KIAA0319L: variants seen among roughly 807,000 people sequenced by gnomAD.
KIAA0319L encodes the protein KIAA0319 like.
Under a neutral mutation model 120.1 loss-of-function variants are expected in KIAA0319L, and 55 were observed. The observed-to-expected ratio is 0.46, with a 90% CI of 0.37 to 0.57. The LOEUF is 0.57. Ranked by LOEUF, KIAA0319L falls within the 20% of genes least tolerant of loss-of-function variation. The probability of loss-of-function intolerance (pLI) is 0.00; values close to 1 mark genes in which losing one functional copy is unlikely to be tolerated. For synonymous variants in KIAA0319L, 398 were observed against 471.9 expected (o/e 0.84, Z 2.03); for missense variants, 1,049 against 1,255.3 (o/e 0.84, Z 2.48).
At chr1:35,503,332 C>T (rs1024345602) in intron 3 of KIAA0319L, among the ~76,000 whole-genome samples, 1 of 152,194 alleles carries the variant, frequency 6.6e-6, no homozygotes, top group African/African-American at 2.4e-5. Context: ...GTACTCTGTG[C>T]TCAGTATTCT....
chr1:35,469,937 T>C (rs566937751), intron 6 of KIAA0319L, among the ~76,000 whole-genome samples: 2 of 152,142 alleles, frequency 1.3e-5, no homozygotes, highest in Admixed American at 1.3e-4. Flanking sequence ...AGTATGATCA[T>C]AGCTCACTGC....
At chr1:35,443,963 G>C (rs1222318330) in intron 17 of KIAA0319L, 198 bp downstream of exon 17, 1 of 438,704 alleles carries the variant, frequency 2.3e-6, no homozygotes, top group East Asian at 3.6e-5. Flanking sequence ...TTCTGAACAC[G>C]ATCTCAGGGG....
rs751484493 is a variant in KIAA0319L, at chr1:35,434,896, A to T, written c.3148T>A (p.Ter1050LysextTer61). The change falls in exon 21 of 21, where the codon TAG becomes AAG. Residue 1050 changes from the stop codon to lysine, a stop_lost. Coordinates refer to ENST00000325722, the MANE Select transcript of KIAA0319L (RefSeq NM_024874.5). ...KARSPREEIL[*>K] is the part of the protein sequence containing the mutation. ...CCCTGAGGAGACAGACCAGGTGGCT[A>T]CAGGATCTCCTCCCGCGGGCTCCTG... 1 of 1,611,958 alleles carries T rather than the reference A, an allele frequency of 6.2e-7. No individual in the cohort carries two copies. Among genetic ancestry groups the T allele is most frequent in the South Asian group, 1.1e-5 (1 of 90,966 alleles).
At chr1:35,443,977 A>C in intron 17 of KIAA0319L, 184 bp downstream of exon 17, 1 of 476,256 alleles carries the variant, frequency 2.1e-6, no homozygotes, top group Non-Finnish European at 3.5e-6. Context: ...TCAGGGGCCC[A>C]TGGGCCCCAA....
At chr1:35,525,192 AG>A (rs1211882157) in intron 2 of KIAA0319L, among the ~76,000 whole-genome samples, 4 of 152,168 alleles carry the variant, frequency 2.6e-5, no homozygotes, top group African/African-American at 9.7e-5. Flanking sequence ...TTCTTTTTTA[AG>A]GCCAAATAGT....
Position 35,557,265 on chromosome 1 carries a change from T to C in KIAA0319L, c.-87A>G, listed in dbSNP as rs1648246453. 9.6e-6 allele frequency: 2 copies of C among 208,902 alleles called. No individual in the cohort carries two copies. Among genetic ancestry groups the C allele is most frequent in the Admixed American group, 5.4e-5 (1 of 18,620 alleles). 12.9% of individuals were successfully genotyped at this position (208,902 alleles called of 1,614,324 possible). ...CTCGGCGGCCTCCGCCTCCTCCTGG[T>C]CCATGGGCTCGGGGACCCCCAACCT... is the stretch of plus-strand genomic sequence containing the variant. On this transcript the variant is annotated 5_prime_UTR_variant, in exon 1 of 21. Transcript: ENST00000325722.
At chr1:35,457,035 G>A (rs562623318) in intron 9 of KIAA0319L, among the ~76,000 whole-genome samples, 74 of 152,148 alleles carry the variant, frequency 4.9e-4, no homozygotes, top group African/African-American at 1.8e-3. Context: ...TGTCTCCAGC[G>A]CCATTTTGTC....
In KIAA0319L at chr1:35,434,947, G is replaced by A. The variant is rs368457639; in HGVS notation, c.3097C>T (p.Pro1033Ser). ...GCCTTCAGAGGGGTCTGCCCGTTGGGTACAGAGCCATTCTGACCATGCAGG... is the reference window on the plus strand; with the variant it reads ...GCCTTCAGAGGGGTCTGCCCGTTGGATACAGAGCCATTCTGACCATGCAGG... ...KLLHGQNGSV[P>S]NGQTPLKARS... The change falls in exon 21 of 21, where the codon CCC (proline) becomes TCC (serine). Residue 1033 changes from proline to serine, a missense_variant. Pro to Ser is a moderately conservative substitution (Grantham distance 74, BLOSUM62 -1). Transcript: ENST00000325722. 4 of 1,613,982 alleles carry A rather than the reference G, an allele frequency of 2.5e-6. No individual in the cohort carries two copies. Among genetic ancestry groups the A allele is most frequent in the East Asian group, 2.2e-5 (1 of 44,868 alleles).
At position 35,434,083 on chromosome 1, in the gene KIAA0319L, CTTT is replaced by C. The variant is rs34942826; in HGVS notation, c.*808_*810del. 5 of 116,018 alleles carry C rather than the reference CTTT, an allele frequency of 4.3e-5. No homozygotes were observed. Among genetic ancestry groups the C allele is most frequent in the Admixed American group, 9.2e-5 (1 of 10,902 alleles). 7.2% of individuals were successfully genotyped at this position (116,018 alleles called of 1,614,324 possible). On this transcript the variant is annotated 3_prime_UTR_variant, in exon 21 of 21. Coordinates refer to ENST00000325722, the MANE Select transcript of KIAA0319L (RefSeq NM_024874.5). ...GTTAAGGGGGGGCCAGATATCATTT[CTTT>C]TTTTTTTTTTTTTTTTTTGACGGAG... is the stretch of plus-strand genomic sequence containing the variant.
intron 2 of KIAA0319L, among the ~76,000 whole-genome samples, chr1:35,545,296 C>T (rs1646942047): frequency 6.6e-6 from 1 of 152,168 alleles, no homozygotes; most frequent in African/African-American, 2.4e-5. Flanking sequence ...TAATGCCATA[C>T]ACCAGCAGAG....
At chr1:35,442,169 A>ACCC in intron 19 of KIAA0319L, 77 bp downstream of exon 19, 2 of 1,085,646 alleles carry the variant, frequency 1.8e-6, no homozygotes, top group Non-Finnish European at 2.9e-6. Context: ...TTCCACGTGG[A>ACCC]AGGTGCCAAA....
At chr1:35,543,985 T>A (rs1288029307) in intron 2 of KIAA0319L, among the ~76,000 whole-genome samples, 1 of 152,186 alleles carries the variant, frequency 6.6e-6, no homozygotes, top group Admixed American at 6.5e-5. Context: ...TTTCCTATAC[T>A]GAATTCAACT....
chr1:35,522,891 C>T (rs997733224), intron 2 of KIAA0319L, among the ~76,000 whole-genome samples: 3 of 151,338 alleles, frequency 2.0e-5, no homozygotes, highest in African/African-American at 7.3e-5. Context: ...TGGTGGCAGG[C>T]GCCTGTAGTC....
chr1:35,443,647 T>A (rs1641392666), intron 17 of KIAA0319L, among the ~76,000 whole-genome samples: 1 of 152,008 alleles, frequency 6.6e-6, no homozygotes, highest in Non-Finnish European at 1.5e-5. Context: ...CACTGCAGCC[T>A]GGGCAACAGA....
At chr1:35,530,347 C>T (rs1470279695) in intron 2 of KIAA0319L, among the ~76,000 whole-genome samples, 1 of 152,070 alleles carries the variant, frequency 6.6e-6, no homozygotes, top group Non-Finnish European at 1.5e-5. Flanking sequence ...ATTCTTTCTT[C>T]TGCTTTATCA....
In KIAA0319L at chr1:35,520,075, GC is replaced by G. The variant is rs371371887; in HGVS notation, c.143-12941del. Among the ~76,000 whole-genome samples, 1,028 of 151,910 alleles carry G rather than the reference GC, an allele frequency of 6.8e-3. 9 individuals are homozygous for G. Among genetic ancestry groups the G allele is most frequent in the African/African-American group, 0.023 (973 of 41,432 alleles). On this transcript the variant is annotated intron_variant, in intron 2 of 20. Transcript: ENST00000325722. ...ATTATTTATTTCATTTCCCACAGTA[GC>G]CACCCTCAAATCTTCTTTTTTCTTT...
Position 35,478,973 on chromosome 1 carries a change from T to G in KIAA0319L, c.906A>C (p.Pro302=). ...PQASFQSTSA[P]YPVIKELVVS... is the part of the protein sequence containing the mutation. ...AAGAGCAAAGGTCCTTACCTGGGTA[T>G]GGTGCTGAGGTGCTCTGGAAAGAGG... The change falls in exon 4 of 21, where the codon CCA becomes CCC. Residue 302 remains proline (P), a synonymous_variant. Coordinates refer to ENST00000325722, the MANE Select transcript of KIAA0319L (RefSeq NM_024874.5). The G allele has an allele frequency of 6.2e-7, 1 of 1,613,994 alleles. No individual in the cohort carries two copies. The highest frequency in any genetic ancestry group is 8.5e-7 in the Non-Finnish European group (1 of 1,179,936).
At chr1:35,521,082 TG>T (rs1433666594) in intron 2 of KIAA0319L, among the ~76,000 whole-genome samples, 1 of 152,228 alleles carries the variant, frequency 6.6e-6, no homozygotes, top group Admixed American at 6.5e-5. Context: ...GGTTCACTCC[TG>T]TAATCCCAGC....
intron 3 of KIAA0319L, among the ~76,000 whole-genome samples, chr1:35,481,278 G>C (rs1570760673): frequency 6.6e-6 from 1 of 152,130 alleles, no homozygotes; most frequent in African/African-American, 2.4e-5. Flanking sequence ...GTAAACACGT[G>C]TTCTAATTTA....
Sources: gnomAD v4.1 joint callset for allele counts (sites outside exome capture counted in the v4.1 genomes callset) on GRCh38, gnomAD v4.1.1 for gene constraint, MANE v1.5 for transcripts, NCBI Gene and HGNC (gene_info 2026-07-23, HGNC 2026-07-21) for gene names.